Variants in WASF1 observed in about 807,000 individuals in gnomAD.
WASF1 encodes WASP family member 1.
Under a neutral mutation model 50.5 loss-of-function variants are expected in WASF1, and 7 were observed. That is an observed-to-expected ratio of 0.14 (90% CI 0.08 to 0.26). The LOEUF is 0.26. WASF1 is among the 10% of genes least tolerant of loss of function. WASF1 has a pLI of 1.00. For missense variants in WASF1, 470 were observed against 694.7 expected, an observed-to-expected ratio of 0.68 and a Z score of 3.64; for synonymous variants, 205 against 244.0, an observed-to-expected ratio of 0.84 and a Z score of 1.49.
intron 3 of WASF1, among the ~76,000 whole-genome samples, chr6:110,152,946 GATTA>G (rs1175468062): frequency 1.3e-5 from 2 of 152,094 alleles, no homozygotes; most frequent in African/African-American, 4.8e-5. Context: ...TGTCACCATA[GATTA>G]ATTTGCTTGT....
intron 4 of WASF1, among the ~76,000 whole-genome samples, chr6:110,114,798 G>GAA (rs796509866): frequency 5.2e-5 from 7 of 135,916 alleles, no homozygotes; most frequent in African/African-American, 5.4e-5. Context: ...TATGCTGCTT[G>GAA]AAAAAAAAAA....
At chr6:110,142,975 T>TAAAAAAAAAAAAAAAAAAAA (rs1396721363) in intron 3 of WASF1, among the ~76,000 whole-genome samples, 61 of 97,882 alleles carry the variant, frequency 6.2e-4, no homozygotes, top group East Asian at 2.2e-3. Flanking sequence ...AAAAAAAAAC[T>TAAAAAAAAAAAAAAAAAAAA]AAAGCAATTC....
intron 3 of WASF1, among the ~76,000 whole-genome samples, chr6:110,148,035 C>T (rs1422454305): frequency 6.6e-6 from 1 of 152,196 alleles, no homozygotes. Flanking sequence ...ACATGAGCCA[C>T]TGCACCCAAC....
chr6:110,162,861 G>A (rs1256523835), intron 2 of WASF1, among the ~76,000 whole-genome samples: 1 of 151,664 alleles, frequency 6.6e-6, no homozygotes. Context: ...AGGAAAGGAT[G>A]TTCCCTCTTA....
At position 110,107,152 on chromosome 6, in the gene WASF1, C is replaced by T. The variant is rs144929722; in HGVS notation, c.465G>A (p.Ser155=). The part of the protein sequence containing the change: ...KEGLKFYTNP[S]YFFDLWKEKM... ...TTTCTTTCCATAGATCAAAGAAATA[C>T]GAAGGATTGGTATAAAACTTCAGAC... The change falls in exon 7 of 11, where the codon TCG becomes TCA. Residue 155 remains serine, a synonymous_variant. Coordinates refer to ENST00000392589, the MANE Select transcript of WASF1 (RefSeq NM_003931.3). 6.6e-5 allele frequency: 106 copies of T among 1,607,402 alleles called. 1 individual carries two copies. The highest frequency in any genetic ancestry group is 4.8e-4 in the African/African-American group (36 of 74,686).
intron 2 of WASF1, among the ~76,000 whole-genome samples, chr6:110,161,187 C>T (rs1194712005): frequency 6.6e-6 from 1 of 151,446 alleles, no homozygotes; most frequent in African/African-American, 2.4e-5. Context: ...ATTTTAAGTA[C>T]CTTTTTACTT....
intron 6 of WASF1, among the ~76,000 whole-genome samples, chr6:110,108,127 G>A (rs1452282750): frequency 2.3e-5 from 2 of 85,582 alleles, no homozygotes. Context: ...GACAAAGTGA[G>A]ACTCCGCCTC....
intron 4 of WASF1, 107 bp from the exon 5 acceptor site, chr6:110,113,567 G>T: frequency 1.0e-6 from 1 of 997,734 alleles, no homozygotes; most frequent in Non-Finnish European, 1.4e-6. Flanking sequence ...CAGATACTTT[G>T]TGATCAGAGA....
chr6:110,165,005 G>T (rs900630448), intron 2 of WASF1, among the ~76,000 whole-genome samples: 1 of 151,466 alleles, frequency 6.6e-6, no homozygotes, highest in African/African-American at 2.4e-5. Flanking sequence ...AACTATAAAG[G>T]GTGAAAAGAT....
In WASF1 at chr6:110,179,608, G is replaced by A. The variant is rs1203670220; in HGVS notation, c.-441C>T. The A allele has an allele frequency of 1.3e-5, 2 of 152,038 alleles. No individual in the cohort carries two copies. The highest frequency in any genetic ancestry group is 2.9e-5 in the Non-Finnish European group (2 of 67,992). 9.4% of individuals were successfully genotyped at this position (152,038 alleles called of 1,614,324 possible). A position where few individuals can be genotyped will look rare whatever the true frequency, so the allele number is the denominator to read the frequency against. On this transcript the variant is annotated 5_prime_UTR_variant, in exon 1 of 11. Coordinates refer to ENST00000392589, the MANE Select transcript of WASF1 (RefSeq NM_003931.3). ...GCCAGGCCACAGGGAACGCCGCCTGGGGCGCCAACCCGCCGCCGGACCCAC... is the reference window on the plus strand; with the variant it reads ...GCCAGGCCACAGGGAACGCCGCCTGAGGCGCCAACCCGCCGCCGGACCCAC...
rs761941755 is a variant in WASF1 at position 110,103,552 on chromosome 6, T to C, written c.719A>G (p.Gln240Arg). ...GPASHFETRP[Q>R]TYVDHMDGSY... ...TCCATCCATATGATCCACGTATGTC[T>C]GAGGTCTAAAAGAAATATATAGTAT... The change falls in exon 9 of 11, where the codon CAG (glutamine) becomes CGG (arginine). Residue 240 changes from glutamine (Q) to arginine (R), a missense_variant. Physicochemically the swap from Gln to Arg is conservative, Grantham distance 43 (BLOSUM62 1). Coordinates refer to ENST00000392589, the MANE Select transcript of WASF1 (RefSeq NM_003931.3). 6.2e-7 allele frequency: 1 copy of C among 1,609,592 alleles called. No homozygotes were observed. The highest frequency in any genetic ancestry group is 8.5e-7 in the Non-Finnish European group (1 of 1,177,196).
intron 3 of WASF1, among the ~76,000 whole-genome samples, chr6:110,150,636 T>G (rs560951789): frequency 9.9e-5 from 15 of 152,200 alleles, no homozygotes; most frequent in African/African-American, 3.4e-4. Context: ...ATAAGGACAC[T>G]TGCTTGAAAG....
In WASF1 at chr6:110,176,582, A is replaced by T. The variant is rs74515120; in HGVS notation, c.-127+2016T>A. Among the ~76,000 whole-genome samples the T allele has an allele frequency of 8.5e-4, 130 of 152,228 alleles. 3 individuals are homozygous for T. The East Asian group carries it at 0.012, about 14-fold the overall frequency. On this transcript the variant is annotated intron_variant, in intron 2 of 10. Transcript: ENST00000392589. ...TTATAATGTTTGATAAATCTTTAAA[A>T]ATGTTTCACTAAATATATTAATTCA...
intron 4 of WASF1, among the ~76,000 whole-genome samples, chr6:110,124,191 GTCTCTCTC>G (rs759865889): frequency 2.0e-4 from 18 of 91,272 alleles, no homozygotes; most frequent in Middle Eastern, 7.1e-3. Flanking sequence ...CCCCATCAGC[GTCTCTCTC>G]TCTCTCTCTC....
chr6:110,142,829 G>C (rs1170075485), intron 3 of WASF1, among the ~76,000 whole-genome samples: 1 of 151,236 alleles, frequency 6.6e-6, no homozygotes, highest in Non-Finnish European at 1.5e-5. Flanking sequence ...TTAATAAGGG[G>C]GAACTTTTTT....
rs894062040 is a variant in WASF1 at position 110,103,383 on chromosome 6, A to G, written c.888T>C (p.Cys296=). Residue 296 remains cysteine (C), a synonymous_variant, in exon 9 of 11, where the codon TGT becomes TGC. Coordinates refer to ENST00000392589, the MANE Select transcript of WASF1 (RefSeq NM_003931.3). ...ATATGCTTGTTCCAACATACCTGATACAGGTGGGTATCGGTTTTGCATCTC... is the reference window on the plus strand; with the variant it reads ...ATATGCTTGTTCCAACATACCTGATGCAGGTGGGTATCGGTTTTGCATCTC... ...GAGDAKPIPT[C]ISSATGLIEN... is the part of the protein sequence containing the mutation. 30 of 1,612,228 alleles carry G rather than the reference A, an allele frequency of 1.9e-5. No homozygotes were observed. The highest frequency in any genetic ancestry group is 6.7e-5 in the African/African-American group (5 of 74,890).
intron 3 of WASF1, among the ~76,000 whole-genome samples, chr6:110,131,134 T>C (rs1774649588): frequency 6.6e-6 from 1 of 152,226 alleles, no homozygotes; most frequent in Non-Finnish European, 1.5e-5. Context: ...TTCTTAGTGA[T>C]GTCTTTTAAT....
Position 110,105,891 on chromosome 6 carries a change from T to C in WASF1, c.541-312A>G, listed in dbSNP as rs188535931. 8.5e-5 allele frequency among the ~76,000 whole-genome samples: 13 copies of C among 152,328 alleles called. No individual in the cohort carries two copies. In the East Asian group the frequency reaches 2.3e-3, roughly 27 times the overall value. ...AGATGAAAAAAGACTCATGAACCCTTGCTCCACAGGCATTAGTTTGAAATT... is the reference window on the plus strand; with the variant it reads ...AGATGAAAAAAGACTCATGAACCCTCGCTCCACAGGCATTAGTTTGAAATT... On this transcript the variant is annotated intron_variant, in intron 7 of 10. Transcript: ENST00000392589.
chr6:110,145,190 G>C (rs1583995793), intron 3 of WASF1, among the ~76,000 whole-genome samples: 1 of 152,198 alleles, frequency 6.6e-6, no homozygotes, highest in East Asian at 1.9e-4. Flanking sequence ...TTGCAAGTTG[G>C]ATTCCTAGGT....
Sources: gnomAD v4.1 joint callset for allele counts (sites outside exome capture counted in the v4.1 genomes callset) on GRCh38, gnomAD v4.1.1 for gene constraint, MANE v1.5 for transcripts, NCBI Gene and HGNC (gene_info 2026-07-23, HGNC 2026-07-21) for gene names.